SNAPC3: variants seen among roughly 807,000 people sequenced by gnomAD.
SNAPC3 encodes the protein snRNA-activating protein complex subunit 3.
SNAPC3 carries 56 observed loss-of-function variants against 47.7 expected under a neutral mutation model. The observed-to-expected ratio is 1.18, with a 90% CI of 0.95 to 1.47. The LOEUF is 1.47. Ranked by LOEUF, SNAPC3 falls within the 40% of genes most tolerant of loss-of-function variation. SNAPC3 has a pLI of 0.00. For synonymous variants in SNAPC3, 235 were observed against 189.9 expected, an observed-to-expected ratio of 1.24 and a Z score of -1.95; for missense variants, 665 against 511.3, an observed-to-expected ratio of 1.30 and a Z score of -2.90.
At chr9:15,430,990 C>T (rs2032072384) in intron 2 of SNAPC3, among the ~76,000 whole-genome samples, 1 of 152,118 alleles carries the variant, frequency 6.6e-6, no homozygotes, top group African/African-American at 2.4e-5. Flanking sequence ...TTTCTTTTGC[C>T]AACTAGCACA....
chr9:15,438,100 ATC>A (rs1364001699), intron 3 of SNAPC3, among the ~76,000 whole-genome samples: 3 of 152,206 alleles, frequency 2.0e-5, no homozygotes, highest in African/African-American at 7.2e-5. Context: ...CAGTGAAGTC[ATC>A]TGGTTCTGGG....
chr9:15,441,072 C>T (rs546440742), intron 3 of SNAPC3, among the ~76,000 whole-genome samples: 2 of 151,632 alleles, frequency 1.3e-5, no homozygotes, highest in Admixed American at 1.3e-4. Flanking sequence ...ATCTGATTTT[C>T]TTTAAGTATT....
chr9:15,442,781 C>G (rs1282037351), intron 3 of SNAPC3, among the ~76,000 whole-genome samples: 1 of 152,208 alleles, frequency 6.6e-6, no homozygotes, highest in African/African-American at 2.4e-5. Flanking sequence ...CGGCCGGGTA[C>G]AGGCTGCAAT....
downstream of SNAPC3, chr9:15,463,586 C>A (rs1398730231): frequency 3.3e-5 from 5 of 151,924 alleles, no homozygotes; most frequent in African/African-American, 9.7e-5. Context: ...TTTGACCACA[C>A]ACACAAATTG....
intron 8 of SNAPC3, among the ~76,000 whole-genome samples, chr9:15,458,596 T>G (rs2034975929): frequency 6.6e-6 from 1 of 152,192 alleles, no homozygotes. Flanking sequence ...AAATATAGTT[T>G]TATAAAATTT....
chr9:15,451,919 A>C (rs566905617), intron 6 of SNAPC3, among the ~76,000 whole-genome samples: 1 of 152,184 alleles, frequency 6.6e-6, no homozygotes, highest in South Asian at 2.1e-4. Flanking sequence ...TTTCATTATC[A>C]ATGTCTTAAC....
At chr9:15,463,147 T>G (rs2035345523), downstream of SNAPC3, 1 of 151,876 alleles carries the variant, frequency 6.6e-6, no homozygotes, top group Non-Finnish European at 1.5e-5. Flanking sequence ...CAGATAGATG[T>G]ATCTGCAATT....
chr9:15,423,926 G>T lies in SNAPC3; in HGVS notation c.332G>T (p.Cys111Phe), dbSNP rs766618214. 2 of 1,579,174 alleles carry T rather than the reference G, an allele frequency of 1.3e-6. No individual in the cohort carries two copies. Among genetic ancestry groups the T allele is most frequent in the Non-Finnish European group, 1.7e-6 (2 of 1,164,004 alleles). ...RAVCGLDKLK[C>F]LEDGEDPEVI... The stretch of plus-strand genomic sequence containing the variant: ...TGTTTTAGCCTTGATAAACTGAAAT[G>T]CCTTGAGGACGGTGAGGATCCAGAA... The change falls in exon 2 of 9, where the codon TGC becomes TTC. Residue 111 changes from cysteine to phenylalanine, a missense_variant. Physicochemically the swap from Cys to Phe is radical, Grantham distance 205. Coordinates refer to ENST00000380821, the MANE Select transcript of SNAPC3 (RefSeq NM_001039697.2).
chr9:15,444,064 G>A (rs2033732709), intron 3 of SNAPC3, among the ~76,000 whole-genome samples: 1 of 152,254 alleles, frequency 6.6e-6, no homozygotes, highest in South Asian at 2.1e-4. Flanking sequence ...ATCTAAACCA[G>A]TTCAGCCTGG....
rs1432251924 is a variant in SNAPC3 at position 15,461,485 on chromosome 9, G to C, written c.*1619G>C. On this transcript the variant is annotated 3_prime_UTR_variant, in exon 9 of 9. Transcript: ENST00000380821. ...CAAAATAAACTTTCTTTATTTTCAG[G>C]TCTAGACCATCAGATAGATTTATTC... 6.6e-6 allele frequency: 1 copy of C among 152,132 alleles called. No homozygotes were observed. The highest frequency in any genetic ancestry group is 1.5e-5 in the Non-Finnish European group (1 of 68,028). 9.4% of individuals were successfully genotyped at this position (152,132 alleles called of 1,614,324 possible).
At chr9:15,465,967 A>T (rs1260002317), downstream of SNAPC3, 1 of 163,186 alleles carries the variant, frequency 6.1e-6, no homozygotes, top group Non-Finnish European at 1.3e-5. Context: ...AGACAACAAG[A>T]TTTCCCTCAA....
intron 3 of SNAPC3, among the ~76,000 whole-genome samples, chr9:15,434,862 C>G (rs1587223018): frequency 6.6e-6 from 1 of 152,190 alleles, no homozygotes; most frequent in Admixed American, 6.5e-5. Flanking sequence ...GTTCTTTTAT[C>G]TTTTGGCTAT....
chr9:15,443,806 G>T (rs978705919), intron 3 of SNAPC3, among the ~76,000 whole-genome samples: 9 of 152,218 alleles, frequency 5.9e-5, no homozygotes, highest in African/African-American at 2.2e-4. Flanking sequence ...TGTCTCATCG[G>T]CGAGGGGCGA....
At chr9:15,442,599 C>G (rs1052861304) in intron 3 of SNAPC3, among the ~76,000 whole-genome samples, 12 of 151,200 alleles carry the variant, frequency 7.9e-5, no homozygotes, top group Non-Finnish European at 1.5e-4. Flanking sequence ...GCGTTCCCCA[C>G]ATCTCAGACA....
At chr9:15,428,750 T>C (rs2031775694) in intron 2 of SNAPC3, among the ~76,000 whole-genome samples, 8 of 151,200 alleles carry the variant, frequency 5.3e-5, no homozygotes, top group Admixed American at 5.3e-4. Context: ...TAAGGGAAAA[T>C]AGACTGAAAT....
downstream of SNAPC3, chr9:15,465,749 T>C: frequency 1.9e-6 from 1 of 539,868 alleles, no homozygotes; most frequent in Non-Finnish European, 3.2e-6. Flanking sequence ...TTTTTTCTTC[T>C]TCAAAACTGT....
At position 15,457,983 on chromosome 9, in the gene SNAPC3, TGGATA is replaced by T; in HGVS notation, c.1008_1012del (p.Arg337IlefsTer20). The T allele has an allele frequency of 6.3e-7, 1 of 1,588,054 alleles. No individual in the cohort carries two copies. The highest frequency in any genetic ancestry group is 1.4e-5 in the African/African-American group (1 of 73,340). ...AGGCTTGTGCATCATGATGACTGCT[TGGATA>T]GGACATTGTATCCCCTCCTTATCAA... On this transcript the variant is annotated frameshift_variant, in exon 8 of 9. Coordinates refer to ENST00000380821, the MANE Select transcript of SNAPC3 (RefSeq NM_001039697.2). LOFTEE classifies it high-confidence loss of function.
At chr9:15,442,513 C>T (rs10169118) in intron 3 of SNAPC3, among the ~76,000 whole-genome samples, 7 of 150,988 alleles carry the variant, frequency 4.6e-5, no homozygotes, top group South Asian at 2.1e-4. Context: ...TGGGCGGAGA[C>T]GCTCCTCACC....
chr9:15,427,369 G>C (rs2131739072), intron 2 of SNAPC3, among the ~76,000 whole-genome samples: 1 of 152,320 alleles, frequency 6.6e-6, no homozygotes, highest in South Asian at 2.1e-4. Flanking sequence ...TTTTTAGACA[G>C]AGTCTCACTC....
Sources: gnomAD v4.1 joint callset for allele counts (sites outside exome capture counted in the v4.1 genomes callset) on GRCh38, gnomAD v4.1.1 for gene constraint, MANE v1.5 for transcripts, NCBI Gene and HGNC (gene_info 2026-07-23, HGNC 2026-07-21) for gene names.